Variants in ATP13A2 observed in about 807,000 individuals in gnomAD.
ATP13A2 encodes ATPase cation transporting 13A2, also known as polyamine-transporting ATPase 13A2.
Under a neutral mutation model 138.3 loss-of-function variants are expected in ATP13A2, and 83 were observed. That is an observed-to-expected ratio of 0.60 (90% CI 0.50 to 0.72). The LOEUF is 0.72. Among genes scored for constraint, ATP13A2 ranks in the 30% least tolerant of loss-of-function variants. The pLI, the probability that ATP13A2 is intolerant of heterozygous loss-of-function variation, is 0.00. For missense variants in ATP13A2, 1,402 were observed against 1,606.4 expected, an observed-to-expected ratio of 0.87 and a Z score of 2.17; for synonymous variants, 663 against 699.0, an observed-to-expected ratio of 0.95 and a Z score of 0.81.
Position 16,989,353 on chromosome 1 carries a change from C to T in ATP13A2, c.2609+338G>A, listed in dbSNP as rs972247110. Among the ~76,000 whole-genome samples the T allele has an allele frequency of 3.8e-4, 58 of 152,088 alleles. 1 individual carries two copies. Among genetic ancestry groups the T allele is most frequent in the Non-Finnish European group, 2.2e-4 (15 of 68,018 alleles). On this transcript the variant is annotated intron_variant, in intron 23 of 28. Transcript: ENST00000326735. ...CAGCCTCTTGAGTAGCTGGGATGAC[C>T]GGTGTGTCACCACACCTGGCTAATT...
rs977573531 is a variant in ATP13A2, at chr1:17,004,340, G to A, written c.549C>T (p.Tyr183=). Residue 183 remains tyrosine, a synonymous_variant, in exon 6 of 29, where the codon TAC becomes TAT. Coordinates refer to ENST00000326735, the MANE Select transcript of ATP13A2 (RefSeq NM_022089.4). The surrounding 1 kb of genome is among the most constrained non-coding windows in gnomAD (Gnocchi z 4.1). ...CAGGCCCTGACTCCTACCTGACCTG[G>A]TAGAAGGCTTGCTGGGTCTCGATCC... ...YIWIETQQAF[Y]QVSLLDHGRS... The A allele has an allele frequency of 1.2e-6, 2 of 1,613,752 alleles. No individual in the cohort carries two copies. Among genetic ancestry groups the A allele is most frequent in the East Asian group, 2.2e-5 (1 of 44,876 alleles).
Position 17,000,294 on chromosome 1 carries a change from C to A in ATP13A2, c.859G>T (p.Asp287Tyr). Reference protein sequence around the residue: ...KTRKQSQTLRDMVKLSMRVCV... With the variant: ...KTRKQSQTLRYMVKLSMRVCV... ...ACCCGCATGGACAACTTGACCATGT[C>A]CCTTAGAGTCTGGCTTTGCTGTGGG... The change falls in exon 10 of 29, where the codon GAC becomes TAC. Residue 287 changes from aspartate to tyrosine, a missense_variant. By Grantham distance (160) the Asp-to-Tyr change is radical (BLOSUM62 -3). Transcript: ENST00000326735. 1 of 1,579,996 alleles carries A rather than the reference C, an allele frequency of 6.3e-7. No homozygotes were observed. Among genetic ancestry groups the A allele is most frequent in the Non-Finnish European group, 8.6e-7 (1 of 1,162,816 alleles).
In ATP13A2 at chr1:16,992,223, T is replaced by G. The variant is rs2076957696; in HGVS notation, c.2005+20A>C. ...TGTGCCAATGCCCAACCAGGGGGACTCAGGGGCTTCCCCCTGCACCTGTCT... is the reference window on the plus strand; with the variant it reads ...TGTGCCAATGCCCAACCAGGGGGACGCAGGGGCTTCCCCCTGCACCTGTCT... On this transcript the variant is annotated intron_variant, in intron 18 of 28. Transcript: ENST00000326735. The G allele has an allele frequency of 1.2e-6, 2 of 1,612,034 alleles. No homozygotes were observed. The highest frequency in any genetic ancestry group is 4.5e-5 in the East Asian group (2 of 44,820).
At position 16,996,718 on chromosome 1, in the gene ATP13A2, C is replaced by A. The variant is rs1466474192; in HGVS notation, c.1196-222G>T. 1.6e-5 allele frequency: 10 copies of A among 617,322 alleles called. No homozygotes were observed. The Admixed American group carries it at 2.3e-4, about 14-fold the overall frequency. 38.2% of individuals were successfully genotyped at this position (617,322 alleles called of 1,614,324 possible). A position where few individuals can be genotyped will look rare whatever the true frequency, so the allele number is the denominator to read the frequency against. ...GATAGCATCTAAACACTGGGTGGTTCCACTGAAAATCCAGACACAGGGAAG... is the reference window on the plus strand; with the variant it reads ...GATAGCATCTAAACACTGGGTGGTTACACTGAAAATCCAGACACAGGGAAG... On this transcript the variant is annotated intron_variant, in intron 12 of 28. Transcript: ENST00000326735.
chr1:16,993,563 G>C, intron 16 of ATP13A2, 66 bp downstream of exon 16: 1 of 1,431,800 alleles, frequency 7.0e-7, no homozygotes, highest in East Asian at 2.5e-5. Context: ...GGAGAGGGAA[G>C]ACAGGGTGGG....
chr1:16,997,250 T>C lies in ATP13A2; in HGVS notation c.1040-75A>G. 5 of 1,574,824 alleles carry C rather than the reference T, an allele frequency of 3.2e-6. No individual in the cohort carries two copies. In the South Asian group the frequency reaches 3.3e-5, roughly 11 times the overall value. On this transcript the variant is annotated intron_variant, in intron 11 of 28. Transcript: ENST00000326735. ...AGCAAACCAGGAGTTCTGTGTAGAA[T>C]TGTCCCACAAGCTCTAAGTCTCAGT... is the stretch of plus-strand genomic sequence containing the variant.
chr1:17,005,650 T>C, intron 2 of ATP13A2, 34 bp downstream of exon 2: 2 of 1,613,056 alleles, frequency 1.2e-6, no homozygotes, highest in Non-Finnish European at 1.7e-6. Context: ...ATTCACCCCC[T>C]GCAGCTTTTC....
At chr1:16,996,656 T>C (rs1450004391) in intron 12 of ATP13A2, 160 bp from the exon 13 acceptor site, 12 of 656,618 alleles carry the variant, frequency 1.8e-5, no homozygotes, top group Non-Finnish European at 3.0e-5. Context: ...GCCCGGCTCT[T>C]GTAGGCTTTT....
chr1:17,000,241 C>A lies in ATP13A2; in HGVS notation c.907+5G>T. The stretch of plus-strand genomic sequence containing the variant: ...GCCCCCGCCCCCTGGGCCCTAGCTC[C>A]TCACCTCCCCCTGGCCGGCACACGC... On this transcript the variant is annotated splice_donor_5th_base_variant and intron_variant, in intron 10 of 28. Transcript: ENST00000326735. 6.4e-7 allele frequency: 1 copy of A among 1,560,974 alleles called. No homozygotes were observed. The highest frequency in any genetic ancestry group is 8.7e-7 in the Non-Finnish European group (1 of 1,152,390).
intron 16 of ATP13A2, 90 bp from the exon 17 acceptor site, chr1:16,992,671 G>C: frequency 1.2e-5 from 16 of 1,344,346 alleles, no homozygotes; most frequent in Non-Finnish European, 1.5e-5. Flanking sequence ...CTTCATGGGA[G>C]ACTGAATGGT....
rs745577205 is a variant in ATP13A2 at position 17,000,051 on chromosome 1, C to T, written c.999G>A (p.Leu333=). 3 of 1,613,000 alleles carry T rather than the reference C, an allele frequency of 1.9e-6. No homozygotes were observed. Among genetic ancestry groups the T allele is most frequent in the Non-Finnish European group, 2.5e-6 (3 of 1,179,672 alleles). ...EGGLMPCDAA[L]VAGECMVNES... Reference sequence around the variant, plus strand: ...CATTCACCATGCACTCGCCGGCCACCAGGGCGGCATCACAGGGCATCAGCC... The same window carrying T: ...CATTCACCATGCACTCGCCGGCCACTAGGGCGGCATCACAGGGCATCAGCC... Residue 333 remains leucine (L), a synonymous_variant, in exon 11 of 29, where the codon CTG becomes CTA. Coordinates refer to ENST00000326735, the MANE Select transcript of ATP13A2 (RefSeq NM_022089.4).
intron 11 of ATP13A2, among the ~76,000 whole-genome samples, chr1:16,998,794 C>T (rs2077235520): frequency 6.6e-6 from 1 of 152,154 alleles, no homozygotes; most frequent in African/African-American, 2.4e-5. Context: ...TGGGGCCATC[C>T]GTGCTTGTGG....
At chr1:16,994,197 C>CTCTCATTT (rs762110883) in intron 15 of ATP13A2, among the ~76,000 whole-genome samples, 2 of 147,312 alleles carry the variant, frequency 1.4e-5, no homozygotes, top group Non-Finnish European at 3.0e-5. Flanking sequence ...CTCTCTCTCT[C>CTCTCATTT]ATTTATTTAT....
At position 16,986,902 on chromosome 1, in the gene ATP13A2, C is replaced by T; in HGVS notation, c.3138G>A (p.Glu1046=). Residue 1046 remains glutamate, a synonymous_variant, in exon 27 of 29, where the codon GAG becomes GAA. Transcript: ENST00000326735. The surrounding 1 kb of genome is among the most constrained non-coding windows in gnomAD (Gnocchi z 6.9). ...VAAPDNLPNY[E]NTVVFSLSSF... Reference sequence around the variant, plus strand: ...TGGACAGAGAGAAGACCACGGTGTTCTCGTAGTTGGGCAGGTTGTCTGGTG... The same window carrying T: ...TGGACAGAGAGAAGACCACGGTGTTTTCGTAGTTGGGCAGGTTGTCTGGTG... 1 of 1,614,004 alleles carries T rather than the reference C, an allele frequency of 6.2e-7. No individual in the cohort carries two copies. The highest frequency in any genetic ancestry group is 8.5e-7 in the Non-Finnish European group (1 of 1,179,988).
At chr1:17,007,520 C>T (rs1307109685) in intron 1 of ATP13A2, among the ~76,000 whole-genome samples, 2 of 151,026 alleles carry the variant, frequency 1.3e-5, no homozygotes, top group African/African-American at 4.9e-5. Context: ...CCTCCTTCAT[C>T]CCCCAATCTG....
In ATP13A2 at chr1:16,996,595, CA is replaced by C. The variant is rs2077135530; in HGVS notation, c.1196-100del. Reference sequence around the variant, plus strand: ...GACCCGTGCCTCTGGAGTTGCAAGACATGATGTTTGTGAAATTAGCCATCAG... The same window carrying C: ...GACCCGTGCCTCTGGAGTTGCAAGACTGATGTTTGTGAAATTAGCCATCAG... On this transcript the variant is annotated intron_variant, in intron 12 of 28. Transcript: ENST00000326735. 3.2e-6 allele frequency: 3 copies of C among 951,368 alleles called. No individual in the cohort carries two copies. In the African/African-American group the frequency reaches 4.9e-5, roughly 15 times the overall value. 58.9% of individuals were successfully genotyped at this position (951,368 alleles called of 1,614,324 possible).
In ATP13A2 at chr1:17,004,985, T is replaced by C. The variant is rs1391531675; in HGVS notation, c.347+29A>G. The C allele has an allele frequency of 1.9e-6, 3 of 1,613,236 alleles. No individual in the cohort carries two copies. In the African/African-American group the frequency reaches 4.0e-5, roughly 22 times the overall value. On this transcript the variant is annotated intron_variant, in intron 4 of 28. Coordinates refer to ENST00000326735, the MANE Select transcript of ATP13A2 (RefSeq NM_022089.4). This position sits in a 1 kb window ranked among gnomAD's most constrained non-coding sequence, Gnocchi z 4.1. ...TGGGGAGGCCAGGGTAGCAGGGGCT[T>C]CTGGGAAGGGGCAATGGGGCTGCCT...
At chr1:17,001,263 C>A (rs936092689) in intron 8 of ATP13A2, among the ~76,000 whole-genome samples, 215 of 123,942 alleles carry the variant, frequency 1.7e-3, no homozygotes, top group East Asian at 3.5e-3. Flanking sequence ...ACTAAAAATA[C>A]AAAAAAAAAA....
chr1:16,991,414 T>C (rs1314530110), intron 20 of ATP13A2, among the ~76,000 whole-genome samples: 4 of 152,184 alleles, frequency 2.6e-5, no homozygotes, highest in Non-Finnish European at 5.9e-5. Context: ...TCCTTGAGCT[T>C]GTCACAGCCT....
Sources: gnomAD v4.1 joint callset for allele counts (sites outside exome capture counted in the v4.1 genomes callset) on GRCh38, gnomAD v4.1.1 for gene constraint, Gnocchi (gnomAD v3.1) non-coding constraint, MANE v1.5 for transcripts, NCBI Gene and HGNC (gene_info 2026-07-23, HGNC 2026-07-21) for gene names.